RABGAP1L: variants seen among roughly 807,000 people sequenced by gnomAD.
RABGAP1L encodes the protein rab GTPase-activating protein 1-like.
RABGAP1L carries 63 observed loss-of-function variants against 137.7 expected under a neutral mutation model. That is an observed-to-expected ratio of 0.46 (90% CI 0.37 to 0.56). RABGAP1L has a LOEUF of 0.56. RABGAP1L is among the 20% of genes least tolerant of loss of function. The pLI is 0.00. For synonymous variants in RABGAP1L, 431 were observed against 433.7 expected (o/e 0.99, Z 0.08); for missense variants, 1,095 against 1,244.0 (o/e 0.88, Z 1.80).
chr1:174,703,892 A>G (rs1679857354), intron 17 of RABGAP1L, among the ~76,000 whole-genome samples: 2 of 152,270 alleles, frequency 1.3e-5, no homozygotes, highest in South Asian at 4.1e-4. Context: ...CTTTTGAAAA[A>G]TGTCTGTTTA....
intron 19 of RABGAP1L, among the ~76,000 whole-genome samples, chr1:174,826,451 A>G (rs1361514807): frequency 2.6e-5 from 4 of 152,042 alleles, no homozygotes; most frequent in Admixed American, 1.3e-4. Context: ...TGAACTCCTG[A>G]CCTCAGGTAA....
chr1:174,860,885 A>T lies in RABGAP1L; in HGVS notation c.2340+48925A>T, dbSNP rs74126888. Among the ~76,000 whole-genome samples, 871 of 152,276 alleles carry T rather than the reference A, an allele frequency of 5.7e-3. 7 individuals are homozygous for T. Among genetic ancestry groups the T allele is most frequent in the African/African-American group, 0.02 (832 of 41,554 alleles). On this transcript the variant is annotated intron_variant, in intron 19 of 25. Coordinates refer to ENST00000681986, the MANE Select transcript of RABGAP1L (RefSeq NM_001366446.1). ...AATAATTACCACAGTCAAGCTAATT[A>T]ACACATCCAATACCCCATATAGTTA...
intron 19 of RABGAP1L, among the ~76,000 whole-genome samples, chr1:174,830,737 A>C (rs1573398646): frequency 6.7e-6 from 1 of 148,336 alleles, no homozygotes; most frequent in Non-Finnish European, 1.5e-5. Flanking sequence ...TCGGCATCCC[A>C]AAGTGCTGGG....
Position 174,491,805 on chromosome 1 carries a change from C to T in RABGAP1L, c.1710+97660C>T, listed in dbSNP as rs182196544. Among the ~76,000 whole-genome samples the T allele has an allele frequency of 3.0e-3, 462 of 152,290 alleles. 2 individuals carry two copies. Among genetic ancestry groups the T allele is most frequent in the Non-Finnish European group, 5.2e-3 (354 of 68,014 alleles). ...TCTGGCTAGAGCCAGTCCATATGCTCCTTCCATGAGTGGCTGTCAGCTAAG... is the reference window on the plus strand; with the variant it reads ...TCTGGCTAGAGCCAGTCCATATGCTTCTTCCATGAGTGGCTGTCAGCTAAG... On this transcript the variant is annotated intron_variant, in intron 13 of 25. Transcript: ENST00000681986.
At chr1:174,550,949 C>T (rs11806094) in intron 13 of RABGAP1L, among the ~76,000 whole-genome samples, 1 of 108,090 alleles carries the variant, frequency 9.3e-6, no homozygotes, top group Non-Finnish European at 1.7e-5. Context: ...TATATACACA[C>T]ATATATATAC....
At chr1:174,763,650 C>CAAAAAAAAA (rs1165876748) in intron 18 of RABGAP1L, among the ~76,000 whole-genome samples, 1 of 13,120 alleles carries the variant, frequency 7.6e-5, no homozygotes, top group African/African-American at 2.2e-4. Context: ...GACTCCGTCT[C>CAAAAAAAAA]AAAAAAAAAA....
rs1189755275 is a variant in RABGAP1L, at chr1:174,988,674, A to G, written c.2839A>G (p.Ile947Val). 12 of 1,548,446 alleles carry G rather than the reference A, an allele frequency of 7.7e-6. No individual in the cohort carries two copies. Among genetic ancestry groups the G allele is most frequent in the Admixed American group, 4.0e-5 (2 of 50,592 alleles). Residue 947 changes from isoleucine (I) to valine (V), a missense_variant, in exon 25 of 26, where the codon ATT becomes GTT. This residue lies in a region of RABGAP1L where 312 missense variants were observed against 435.6 expected (regional missense o/e 0.72). Coordinates refer to ENST00000681986, the MANE Select transcript of RABGAP1L (RefSeq NM_001366446.1). ...KMMACKHCSD[I>V]FSKEGALKLA... Reference sequence around the variant, plus strand: ...GATGGCATGCAAACACTGCAGTGACATTTTCAGCAAGGAGGGTGCTTTGAA... The same window carrying G: ...GATGGCATGCAAACACTGCAGTGACGTTTTCAGCAAGGAGGGTGCTTTGAA...
chr1:174,717,780 C>T lies in RABGAP1L; in HGVS notation c.2169+15524C>T, dbSNP rs1056279434. 8.5e-5 allele frequency among the ~76,000 whole-genome samples: 13 copies of T among 152,266 alleles called. No individual in the cohort carries two copies. The East Asian group carries it at 2.3e-3, about 27-fold the overall frequency. ...GGTGGTGAACCGCATGATAACTTTA[C>T]AAGTACTGCTGGTTCTATGAGAGTC... On this transcript the variant is annotated intron_variant, in intron 17 of 25. Transcript: ENST00000681986.
At chr1:174,656,224 C>T (rs561512945) in intron 14 of RABGAP1L, among the ~76,000 whole-genome samples, 61 of 152,236 alleles carry the variant, frequency 4.0e-4, no homozygotes, top group Middle Eastern at 3.4e-3. Context: ...TGGGAGGCCA[C>T]GGCGGGTGGA....
At chr1:174,380,421 ACT>A (rs2149035840) in intron 12 of RABGAP1L, among the ~76,000 whole-genome samples, 1 of 149,990 alleles carries the variant, frequency 6.7e-6, no homozygotes, top group African/African-American at 2.4e-5. Context: ...CTGGTCCTGG[ACT>A]CTTTTTGGTT....
At chr1:174,572,196 C>T (rs1298898028) in intron 13 of RABGAP1L, among the ~76,000 whole-genome samples, 1 of 152,214 alleles carries the variant, frequency 6.6e-6, no homozygotes, top group Non-Finnish European at 1.5e-5. Context: ...ACCAGTCCTT[C>T]TACCATCTTG....
chr1:174,943,811 C>T (rs768217527), intron 19 of RABGAP1L, among the ~76,000 whole-genome samples: 5 of 151,832 alleles, frequency 3.3e-5, no homozygotes, highest in Non-Finnish European at 5.9e-5. Flanking sequence ...CCAGCCGGCG[C>T]GACAGTGCGA....
intron 15 of RABGAP1L, 21 bp from the exon 16 acceptor site, chr1:174,699,504 T>A: frequency 1.2e-6 from 2 of 1,605,290 alleles, no homozygotes; most frequent in Non-Finnish European, 1.7e-6. Flanking sequence ...TTATATTGTA[T>A]ATGTATATAT....
chr1:174,607,283 GAA>G (rs546792613), intron 13 of RABGAP1L, among the ~76,000 whole-genome samples: 70 of 152,264 alleles, frequency 4.6e-4, no homozygotes, highest in African/African-American at 1.6e-3. Flanking sequence ...TTCTTTTCAT[GAA>G]ATATTATCAT....
chr1:174,190,401 A>AT (rs1052710053), intron 1 of RABGAP1L, among the ~76,000 whole-genome samples: 99 of 151,294 alleles, frequency 6.5e-4, no homozygotes, highest in African/African-American at 1.6e-3. Context: ...GTAAGAAATC[A>AT]TTTTTTTTTA....
intron 13 of RABGAP1L, among the ~76,000 whole-genome samples, chr1:174,416,790 A>G (rs897149626): frequency 6.6e-6 from 1 of 152,164 alleles, no homozygotes; most frequent in African/African-American, 2.4e-5. Context: ...AGAGTATTTT[A>G]ACTTAACAAG....
intron 13 of RABGAP1L, among the ~76,000 whole-genome samples, chr1:174,446,647 T>C (rs1654799578): frequency 1.3e-5 from 2 of 152,194 alleles, no homozygotes; most frequent in South Asian, 4.1e-4. Flanking sequence ...TTAGAGGTAT[T>C]TTAAAATAAG....
At chr1:174,979,030 T>C (rs1210279552) in intron 23 of RABGAP1L, 140 bp downstream of exon 23, 3 of 1,249,058 alleles carry the variant, frequency 2.4e-6, no homozygotes, top group Non-Finnish European at 3.1e-6. Context: ...AAAAAAAATT[T>C]TTTAGTTAGC....
At chr1:174,919,298 G>A (rs1261255172) in intron 19 of RABGAP1L, among the ~76,000 whole-genome samples, 8 of 152,248 alleles carry the variant, frequency 5.3e-5, no homozygotes, top group South Asian at 2.1e-4. Flanking sequence ...GATTACAGGC[G>A]TGAGCCACTG....
Sources: gnomAD v4.1 joint callset for allele counts (sites outside exome capture counted in the v4.1 genomes callset) on GRCh38, gnomAD v4.1.1 for gene constraint, gnomAD v4.1.1 regional missense constraint, MANE v1.5 for transcripts, NCBI Gene and HGNC (gene_info 2026-07-23, HGNC 2026-07-21) for gene names.